PSD3: variants seen among roughly 807,000 people sequenced by gnomAD.
The protein encoded by PSD3 is PH and SEC7 domain-containing protein 3.
A neutral mutation model predicts 105.5 loss-of-function variants in PSD3; 49 were observed. The observed-to-expected ratio is 0.46, with a 90% CI of 0.37 to 0.59. The LOEUF is 0.59. PSD3 is among the 20% of genes least tolerant of loss of function. PSD3 has a pLI of 0.00. For synonymous variants in PSD3, 557 were observed against 457.8 expected, an observed-to-expected ratio of 1.22 and a Z score of -2.77; for missense variants, 1,561 against 1,263.8, an observed-to-expected ratio of 1.24 and a Z score of -3.57.
chr8:18,870,305 G>T (rs924557360), intron 3 of PSD3, among the ~76,000 whole-genome samples: 1 of 152,208 alleles, frequency 6.6e-6, no homozygotes, highest in Non-Finnish European at 1.5e-5. Flanking sequence ...TAGAAGTACA[G>T]TACACAACAA....
intron 8 of PSD3, among the ~76,000 whole-genome samples, chr8:18,778,641 G>GT (rs113707788): frequency 0.1 from 15,820 of 151,696 alleles, 1,675 homozygotes; most frequent in East Asian, 0.47. Flanking sequence ...AATTTATTGA[G>GT]TTTTTTTATT....
chr8:18,935,671 G>C (rs1421766321), intron 2 of PSD3, among the ~76,000 whole-genome samples: 2 of 147,440 alleles, frequency 1.4e-5, no homozygotes, highest in East Asian at 2.0e-4. Context: ...ATGCCAGCTT[G>C]GATGACAGAG....
chr8:18,801,357 C>T lies in PSD3; in HGVS notation c.1936G>A (p.Val646Met), dbSNP rs768106989. 1 of 1,604,546 alleles carries T rather than the reference C, an allele frequency of 6.2e-7. No homozygotes were observed. The change falls in exon 7 of 16, where the codon GTG becomes ATG. Residue 646 changes from valine to methionine, a missense_variant. By Grantham distance (21) the Val-to-Met change is conservative (BLOSUM62 1). Coordinates refer to ENST00000327040, the MANE Select transcript of PSD3 (RefSeq NM_015310.4). The part of the protein sequence containing the change: ...LRYFFKAFSL[V>M]GETQERERVL... ...CTCTCTCGTTCTTGAGTTTCTCCCA[C>T]AAGAGAGAATGCTTTAAAGAAATAC...
intron 12 of PSD3, among the ~76,000 whole-genome samples, chr8:18,592,728 C>A (rs1024373948): frequency 6.6e-6 from 1 of 152,028 alleles, no homozygotes; most frequent in Admixed American, 6.6e-5. Context: ...ACACTTGCCA[C>A]ACAAGCATAT....
At chr8:18,921,259 T>C (rs1310206726) in intron 2 of PSD3, among the ~76,000 whole-genome samples, 1 of 152,236 alleles carries the variant, frequency 6.6e-6, no homozygotes, top group Non-Finnish European at 1.5e-5. Context: ...ACAGTTTAAA[T>C]GTATTAAATG....
At chr8:18,921,411 G>A (rs1035056231) in intron 2 of PSD3, among the ~76,000 whole-genome samples, 2 of 152,202 alleles carry the variant, frequency 1.3e-5, no homozygotes, top group African/African-American at 4.8e-5. Context: ...AGATGCTTGG[G>A]TCATCCCTTG....
chr8:18,853,385 T>C (rs1009176893), intron 4 of PSD3, among the ~76,000 whole-genome samples: 1 of 152,098 alleles, frequency 6.6e-6, no homozygotes, highest in Non-Finnish European at 1.5e-5. Context: ...TATTCTTCAA[T>C]CCCAGGCATC....
At chr8:18,686,879 G>C (rs1318964947) in intron 9 of PSD3, among the ~76,000 whole-genome samples, 1 of 152,094 alleles carries the variant, frequency 6.6e-6, no homozygotes, top group African/African-American at 2.4e-5. Context: ...CTACTAAGCT[G>C]GCTTCTCCTC....
intron 4 of PSD3, among the ~76,000 whole-genome samples, chr8:18,828,538 T>C (rs1563320250): frequency 1.3e-5 from 2 of 152,182 alleles, no homozygotes; most frequent in Non-Finnish European, 2.9e-5. Context: ...TGGTGGCTCA[T>C]GTCTGTAATC....
At chr8:18,559,575 G>T (rs1404222724) in intron 14 of PSD3, among the ~76,000 whole-genome samples, 1 of 152,004 alleles carries the variant, frequency 6.6e-6, no homozygotes, top group Non-Finnish European at 1.5e-5. Flanking sequence ...ATAGAATCCA[G>T]TTTATTTAAG....
chr8:18,920,786 C>T (rs1322078220), intron 2 of PSD3, among the ~76,000 whole-genome samples: 4 of 152,156 alleles, frequency 2.6e-5, no homozygotes, highest in Non-Finnish European at 2.9e-5. Context: ...TCATCACCAC[C>T]TATTAAAGGC....
chr8:18,616,876 G>A (rs909157950), intron 11 of PSD3, among the ~76,000 whole-genome samples: 6 of 151,942 alleles, frequency 3.9e-5, no homozygotes, highest in Non-Finnish European at 8.8e-5. Flanking sequence ...GCCCGCCTCG[G>A]CCTCCCAAAG....
At chr8:18,986,769 C>G (rs1035448069) in intron 1 of PSD3, among the ~76,000 whole-genome samples, 3 of 152,068 alleles carry the variant, frequency 2.0e-5, no homozygotes, top group African/African-American at 7.2e-5. Context: ...AAAGAGAGTA[C>G]TCCATTAAGG....
chr8:18,954,568 A>C (rs545908927), intron 1 of PSD3, among the ~76,000 whole-genome samples: 1 of 152,212 alleles, frequency 6.6e-6, no homozygotes, highest in African/African-American at 2.4e-5. Flanking sequence ...CATCACAAAA[A>C]AGAGTTCTGG....
intron 1 of PSD3, among the ~76,000 whole-genome samples, chr8:19,019,855 C>A (rs1429015893): frequency 6.6e-6 from 1 of 151,922 alleles, no homozygotes. Flanking sequence ...AAGGAAAGAG[C>A]AGAAATGTGG....
At chr8:18,771,073 C>T (rs987424511) in intron 8 of PSD3, among the ~76,000 whole-genome samples, 2 of 152,210 alleles carry the variant, frequency 1.3e-5, no homozygotes, top group Non-Finnish European at 2.9e-5. Flanking sequence ...AGTCAAGCCA[C>T]TTCTCTCTGA....
chr8:18,848,211 C>T (rs770439950), intron 4 of PSD3, among the ~76,000 whole-genome samples: 25 of 152,122 alleles, frequency 1.6e-4, no homozygotes, highest in Non-Finnish European at 2.9e-4. Flanking sequence ...ACTGTTTAAC[C>T]ATGTTGGTGT....
At chr8:18,860,107 T>C (rs548115786) in intron 4 of PSD3, among the ~76,000 whole-genome samples, 6 of 152,228 alleles carry the variant, frequency 3.9e-5, no homozygotes, top group African/African-American at 1.4e-4. Flanking sequence ...GCAGGGTTAT[T>C]AACTGGCATA....
At chr8:18,576,940 C>A (rs183047657) in intron 12 of PSD3, among the ~76,000 whole-genome samples, 1 of 150,552 alleles carries the variant, frequency 6.6e-6, no homozygotes, top group Non-Finnish European at 1.5e-5. Context: ...TATCTTAATT[C>A]CTCTTCCCTA....
Sources: allele counts gnomAD v4.1 joint callset (sites outside exome capture counted in the v4.1 genomes callset), GRCh38; gene constraint gnomAD v4.1.1; transcripts MANE v1.5; gene names NCBI Gene and HGNC (gene_info 2026-07-23, HGNC 2026-07-21).